The following DOCK3 variants were observed in gnomAD, a reference collection of about 807,000 sequenced individuals.
DOCK3 encodes dedicator of cytokinesis 3, also known as dedicator of cytokinesis protein 3.
In DOCK3, 60 loss-of-function variants were observed where a neutral mutation model predicts 265.6. The ratio of observed to expected loss-of-function variants is 0.23; its 90% CI spans 0.18 to 0.28. DOCK3 has a LOEUF of 0.28. Among genes scored for constraint, DOCK3 ranks in the 10% least tolerant of loss-of-function variants. The pLI is 1.00. For missense variants in DOCK3, 1,981 were observed against 2,594.3 expected (o/e 0.76, Z 5.14); for synonymous variants, 881 against 938.0 (o/e 0.94, Z 1.11).
intron 3 of DOCK3, among the ~76,000 whole-genome samples, chr3:50,882,976 A>G (rs1575439972): frequency 6.6e-6 from 1 of 152,216 alleles, no homozygotes. Context: ...AGGGAGATGG[A>G]TGAAGCTGGA....
chr3:50,736,335 G>A (rs920287092), intron 1 of DOCK3, among the ~76,000 whole-genome samples: 37 of 152,232 alleles, frequency 2.4e-4, no homozygotes, highest in Non-Finnish European at 4.3e-4. Context: ...AGTCTTTGCT[G>A]TTGTGAATAG....
intron 5 of DOCK3, among the ~76,000 whole-genome samples, chr3:50,975,125 C>T (rs1352185749): frequency 6.8e-6 from 1 of 148,000 alleles, no homozygotes; most frequent in African/African-American, 2.5e-5. Flanking sequence ...AATTGAATAC[C>T]CTTTATTTCC....
chr3:50,710,733 A>G (rs947399221), intron 1 of DOCK3, among the ~76,000 whole-genome samples: 1 of 152,228 alleles, frequency 6.6e-6, no homozygotes, highest in African/African-American at 2.4e-5. Context: ...ACAATTTGCA[A>G]TTGCAAAAAT....
intron 5 of DOCK3, among the ~76,000 whole-genome samples, chr3:51,055,052 C>T (rs1575905948): frequency 6.6e-6 from 1 of 152,096 alleles, no homozygotes; most frequent in East Asian, 1.9e-4. Context: ...GTGAATTGGG[C>T]TAGTATTTAT....
At chr3:51,111,279 G>T (rs1231664266) in intron 9 of DOCK3, among the ~76,000 whole-genome samples, 1 of 151,914 alleles carries the variant, frequency 6.6e-6, no homozygotes, top group Non-Finnish European at 1.5e-5. Context: ...GACAAAGCAG[G>T]AGACATCATG....
intron 14 of DOCK3, among the ~76,000 whole-genome samples, chr3:51,218,896 C>A (rs750718702): frequency 9.2e-5 from 14 of 152,272 alleles, no homozygotes; most frequent in Non-Finnish European, 1.5e-4. Flanking sequence ...TGGGACCTGG[C>A]AATTTGCATC....
intron 21 of DOCK3, among the ~76,000 whole-genome samples, chr3:51,244,023 T>C (rs1268331033): frequency 6.6e-6 from 1 of 152,238 alleles, no homozygotes; most frequent in East Asian, 1.9e-4. Context: ...TGACCATATA[T>C]GTGAGGCTTT....
intron 32 of DOCK3, among the ~76,000 whole-genome samples, chr3:51,323,908 G>T (rs2083910312): frequency 6.6e-6 from 1 of 151,998 alleles, no homozygotes; most frequent in African/African-American, 2.4e-5. Flanking sequence ...CTGGTTTTTT[G>T]AAAAGATCAA....
At chr3:50,731,957 GAAAACT>G (rs2038239147) in intron 1 of DOCK3, among the ~76,000 whole-genome samples, 1 of 151,864 alleles carries the variant, frequency 6.6e-6, no homozygotes, top group Non-Finnish European at 1.5e-5. Context: ...TATGTTATTA[GAAAACT>G]GTAGACAATC....
intron 5 of DOCK3, among the ~76,000 whole-genome samples, chr3:50,935,003 T>TG (rs2051275213): frequency 6.6e-6 from 1 of 152,152 alleles, no homozygotes; most frequent in Non-Finnish European, 1.5e-5. Flanking sequence ...CCAAGGGATT[T>TG]GGGGGCTCAA....
intron 32 of DOCK3, among the ~76,000 whole-genome samples, chr3:51,323,427 A>G (rs569756305): frequency 2.0e-5 from 3 of 152,298 alleles, no homozygotes; most frequent in African/African-American, 7.2e-5. Context: ...CACATTGCAC[A>G]TATTCTAAAA....
intron 12 of DOCK3, among the ~76,000 whole-genome samples, chr3:51,202,103 A>T (rs1485727706): frequency 6.7e-6 from 1 of 149,682 alleles, no homozygotes; most frequent in African/African-American, 2.5e-5. Flanking sequence ...TAACATCACA[A>T]TTAAAAGAAC....
chr3:50,981,527 A>G (rs979123112), intron 5 of DOCK3, among the ~76,000 whole-genome samples: 5 of 152,182 alleles, frequency 3.3e-5, no homozygotes, highest in East Asian at 1.9e-4. Flanking sequence ...GATCCATCCA[A>G]TGCTGAGAGT....
intron 24 of DOCK3, 147 bp downstream of exon 24, chr3:51,271,154 TAAAC>T (rs1293765531): frequency 5.3e-6 from 5 of 936,104 alleles, no homozygotes; most frequent in Non-Finnish European, 7.9e-6. Context: ...AATTTTTTGA[TAAAC>T]TATAATAGAG....
At chr3:51,310,081 G>A (rs1428172200) in intron 27 of DOCK3, 151 bp from the exon 28 acceptor site, 4 of 673,690 alleles carry the variant, frequency 5.9e-6, no homozygotes, top group South Asian at 1.8e-5. Flanking sequence ...CTCTCATGTA[G>A]CCCTCTAAGA....
At chr3:50,768,143 C>T (rs1172694199) in intron 1 of DOCK3, among the ~76,000 whole-genome samples, 1 of 152,104 alleles carries the variant, frequency 6.6e-6, no homozygotes, top group East Asian at 1.9e-4. Flanking sequence ...CCAGAACTTC[C>T]AACACTGTGT....
At chr3:51,139,043 A>G (rs765787117) in intron 9 of DOCK3, among the ~76,000 whole-genome samples, 2 of 152,162 alleles carry the variant, frequency 1.3e-5, no homozygotes, top group African/African-American at 2.4e-5. Context: ...ACATTCATTT[A>G]GGGACCAAGA....
intron 5 of DOCK3, among the ~76,000 whole-genome samples, chr3:51,007,582 C>G (rs1052700234): frequency 6.6e-5 from 10 of 152,138 alleles, no homozygotes; most frequent in Non-Finnish European, 1.5e-4. Flanking sequence ...CCTGTTCACT[C>G]TGATGGTAGT....
At chr3:50,817,417 A>G (rs1422479527) in intron 2 of DOCK3, among the ~76,000 whole-genome samples, 1 of 151,954 alleles carries the variant, frequency 6.6e-6, no homozygotes, top group Non-Finnish European at 1.5e-5. Flanking sequence ...TCAGCCTCCT[A>G]AGTAGCTGGA....
Sources: gnomAD v4.1 joint callset for allele counts (sites outside exome capture counted in the v4.1 genomes callset) on GRCh38, gnomAD v4.1.1 for gene constraint, MANE v1.5 for transcripts, NCBI Gene and HGNC (gene_info 2026-07-23, HGNC 2026-07-21) for gene names.